Variants in NAT16 observed in about 807,000 individuals in gnomAD.
NAT16 encodes N-acetyltransferase 16 (putative).
In NAT16, 16 loss-of-function variants were observed where a neutral mutation model predicts 15.9. That is an observed-to-expected ratio of 1.01 (90% CI 0.68 to 1.53). NAT16 has a LOEUF of 1.53. Among genes scored for constraint, NAT16 ranks in the 40% most tolerant of loss-of-function variants. The pLI, the probability that NAT16 is intolerant of heterozygous loss-of-function variation, is 0.00. For missense variants in NAT16, 572 were observed against 508.4 expected, an observed-to-expected ratio of 1.13 and a Z score of -1.20; for synonymous variants, 260 against 241.9, an observed-to-expected ratio of 1.07 and a Z score of -0.69.
Position 101,172,687 on chromosome 7 carries a change from C to G in NAT16, c.538-36G>C. 2.8e-6 allele frequency: 4 copies of G among 1,417,516 alleles called. No individual in the cohort carries two copies. The highest frequency in any genetic ancestry group is 1.5e-5 in the African/African-American group (1 of 66,076). The allele number at this position is 1,417,516 out of a possible 1,614,324, so 87.8% of individuals were successfully genotyped here. On this transcript the variant is annotated intron_variant, in intron 3 of 3. Coordinates refer to ENST00000300303, the MANE Select transcript of NAT16 (RefSeq NM_198571.3). This position sits in a 1 kb window ranked among gnomAD's most constrained non-coding sequence, Gnocchi z 4.2. ...CACGAGTGAGCGCGGGGAGGGGGGG[C>G]GCAGCAGGGCTGGCGAGCCCGGCGC...
intron 2 of NAT16, 24 bp from the exon 3 acceptor site, chr7:101,173,544 G>A (rs748199670): frequency 4.0e-5 from 61 of 1,539,820 alleles, no homozygotes; most frequent in Non-Finnish European, 4.9e-5. Flanking sequence ...CCGTTAGCGC[G>A]GGGCCCTCCC....
rs759429664 is a variant in NAT16, at chr7:101,172,109, A to T, written c.1080T>A (p.Thr360=). The T allele has an allele frequency of 1.2e-6, 2 of 1,613,684 alleles. No homozygotes were observed. The highest frequency in any genetic ancestry group is 1.7e-6 in the Non-Finnish European group (2 of 1,179,724). ...TGTCGGCCTCCAGCAGGTACTGTTCAGTATAACCCTTCACCAGCTCCAGTC... is the reference window on the plus strand; with the variant it reads ...TGTCGGCCTCCAGCAGGTACTGTTCTGTATAACCCTTCACCAGCTCCAGTC... ...GLGLELVKGY[T]EQYLLEADI The change falls in exon 4 of 4, where the codon ACT becomes ACA. Residue 360 remains threonine (T), a synonymous_variant. Transcript: ENST00000300303. This position sits in a 1 kb window ranked among gnomAD's most constrained non-coding sequence, Gnocchi z 4.2.
At chr7:101,174,137 C>G (rs1009586057) in intron 2 of NAT16, 2 of 387,008 alleles carry the variant, frequency 5.2e-6, no homozygotes, top group Admixed American at 8.4e-5. Flanking sequence ...CCCACTTCCT[C>G]TTAGCTCCTC....
Position 101,173,295 on chromosome 7 carries a change from C to A in NAT16, c.537+1G>T. On this transcript the variant is annotated splice_donor_variant, in intron 3 of 3. Transcript: ENST00000300303. LOFTEE classifies it high-confidence loss of function. ...CCATCCGAGCTCCCTGTCCTTCTCA[C>A]CTGCTTGGTGATTAGGCGGTATTTC... 1 of 1,613,626 alleles carries A rather than the reference C, an allele frequency of 6.2e-7. No homozygotes were observed. Among genetic ancestry groups the A allele is most frequent in the African/African-American group, 1.3e-5 (1 of 75,034 alleles).
intron 1 of NAT16, among the ~76,000 whole-genome samples, chr7:101,175,159 T>C (rs1223058633): frequency 1.3e-5 from 2 of 152,194 alleles, no homozygotes; most frequent in Non-Finnish European, 2.9e-5. Context: ...TTCACCATGT[T>C]GTCCAGGCTG....
rs955345879 is a variant in NAT16 at position 101,172,605 on chromosome 7, A to G, written c.584T>C (p.Leu195Pro). The G allele has an allele frequency of 6.5e-7, 1 of 1,527,530 alleles. No individual in the cohort carries two copies. The highest frequency in any genetic ancestry group is 8.7e-7 in the Non-Finnish European group (1 of 1,145,624). The allele number at this position is 1,527,530 out of a possible 1,614,324, so 94.6% of individuals were successfully genotyped here. ...CCGCAGCGCCGCCAGCCGCGCGCCC[A>G]GCCCGGCCAGCAGCGCGGACGCGTT... Reference protein sequence around the residue: ...RFNASALLAGLGARLAALRTS... With the variant: ...RFNASALLAGPGARLAALRTS... The change falls in exon 4 of 4, where the codon CTG becomes CCG. Residue 195 changes from leucine to proline, a missense_variant. By Grantham distance (98) the Leu-to-Pro change is moderately conservative. Transcript: ENST00000300303. The surrounding 1 kb of genome is among the most constrained non-coding windows in gnomAD (Gnocchi z 4.2).
At position 101,170,525 on chromosome 7, in the gene NAT16, A is replaced by T. The variant is rs559137752; in HGVS notation, c.*1554T>A. On this transcript the variant is annotated 3_prime_UTR_variant, in exon 4 of 4. Transcript: ENST00000300303. ...CAAAAGGTCCATTTTATTGTCATAC[A>T]ATCGTGGTCACCGTGACAAGGAGGG... 2.6e-5 allele frequency: 4 copies of T among 152,608 alleles called. No homozygotes were observed. In the East Asian group the frequency reaches 5.8e-4, roughly 22 times the overall value. 9.5% of individuals were successfully genotyped at this position (152,608 alleles called of 1,614,324 possible). A position where few individuals can be genotyped will look rare whatever the true frequency, so the allele number is the denominator to read the frequency against.
chr7:101,171,855 AAGT>A lies in NAT16; in HGVS notation c.*221_*223del, dbSNP rs1797329358. On this transcript the variant is annotated 3_prime_UTR_variant, in exon 4 of 4. Coordinates refer to ENST00000300303, the MANE Select transcript of NAT16 (RefSeq NM_198571.3). ...CCCCAGCCCCCACCTAATAGTCCGC[AAGT>A]TCAGGTCAGGGAGTGGGCAATGGTG... 3.8e-6 allele frequency: 2 copies of A among 530,372 alleles called. No individual in the cohort carries two copies. Among genetic ancestry groups the A allele is most frequent in the South Asian group, 5.1e-5 (2 of 39,554 alleles). The allele number at this position is 530,372 out of a possible 1,614,324, so 32.9% of individuals were successfully genotyped here.
chr7:101,173,493 C>A lies in NAT16; in HGVS notation c.340G>T (p.Asp114Tyr), dbSNP rs762874878. ...VIALESVNVI[D>Y]AGETVLVEGL... ...TCCACCAGCACCGTCTCCCCGGCGTCGATCACGTTCACCGACTCCAGCGCG... is the reference window on the plus strand; with the variant it reads ...TCCACCAGCACCGTCTCCCCGGCGTAGATCACGTTCACCGACTCCAGCGCG... Residue 114 changes from aspartate to tyrosine, a missense_variant, in exon 3 of 4, where the codon GAC becomes TAC. Transcript: ENST00000300303. 9 of 1,605,758 alleles carry A rather than the reference C, an allele frequency of 5.6e-6. No individual in the cohort carries two copies. The highest frequency in any genetic ancestry group is 7.7e-6 in the Non-Finnish European group (9 of 1,175,414).
intron 1 of NAT16, 113 bp from the exon 2 acceptor site, chr7:101,174,924 CT>C (rs1193972529): frequency 1.6e-6 from 2 of 1,227,056 alleles, no homozygotes; most frequent in African/African-American, 1.6e-5. Context: ...CTTTCTTTTT[CT>C]TTTCTTTTAT....
At position 101,174,927 on chromosome 7, in the gene NAT16, T is replaced by G. The variant is rs189532709; in HGVS notation, c.-4-116A>C. On this transcript the variant is annotated intron_variant, in intron 1 of 3. Transcript: ENST00000300303. ...TACACAAATAGCCTTTCTTTTTCTT[T>G]TCTTTTATTTATTTACTTATTTACT... is the stretch of plus-strand genomic sequence containing the variant. 3.1e-4 allele frequency: 376 copies of G among 1,208,994 alleles called. 3 individuals are homozygous for G. The East Asian group carries it at 0.011, about 37-fold the overall frequency. 74.9% of individuals were successfully genotyped at this position (1,208,994 alleles called of 1,614,324 possible).
intron 2 of NAT16, chr7:101,173,776 C>G (rs1018288780): frequency 5.8e-6 from 3 of 513,902 alleles, no homozygotes; most frequent in African/African-American, 2.0e-5. Context: ...CAGGCTGGAG[C>G]GCAGTGGTGC....
At chr7:101,179,214 G>A (rs1295786683) in intron 1 of NAT16, 1 of 152,256 alleles carries the variant, frequency 6.6e-6, no homozygotes, top group East Asian at 1.9e-4. Flanking sequence ...GCTGCACAAA[G>A]CGCCCAAAGA....
chr7:101,171,717 G>A lies in NAT16; in HGVS notation c.*362C>T, dbSNP rs1249493788. 1 of 207,126 alleles carries A rather than the reference G, an allele frequency of 4.8e-6. No individual in the cohort carries two copies. Among genetic ancestry groups the A allele is most frequent in the African/African-American group, 2.3e-5 (1 of 42,732 alleles). The allele number at this position is 207,126 out of a possible 1,614,324, so 12.8% of individuals were successfully genotyped here. Reference sequence around the variant, plus strand: ...CAGAAGGGAGAAGCCAGGAAAGGGGGAGTTCACGCCCCGGGTGAGGTGATG... The same window carrying A: ...CAGAAGGGAGAAGCCAGGAAAGGGGAAGTTCACGCCCCGGGTGAGGTGATG... On this transcript the variant is annotated 3_prime_UTR_variant, in exon 4 of 4. Coordinates refer to ENST00000300303, the MANE Select transcript of NAT16 (RefSeq NM_198571.3).
intron 1 of NAT16, among the ~76,000 whole-genome samples, chr7:101,179,388 C>T (rs1301779032): frequency 4.1e-5 from 6 of 147,046 alleles, no homozygotes; most frequent in Non-Finnish European, 9.0e-5. Flanking sequence ...AAAATCCTAG[C>T]ACGCACCCCC....
Position 101,173,494 on chromosome 7 carries a change from G to C in NAT16, c.339C>G (p.Ile113Met). Reference protein sequence around the residue: ...GVIALESVNVIDAGETVLVEG... With the variant: ...GVIALESVNVMDAGETVLVEG... ...CCACCAGCACCGTCTCCCCGGCGTCGATCACGTTCACCGACTCCAGCGCGA... is the reference window on the plus strand; with the variant it reads ...CCACCAGCACCGTCTCCCCGGCGTCCATCACGTTCACCGACTCCAGCGCGA... The change falls in exon 3 of 4, where the codon ATC (isoleucine) becomes ATG (methionine). Residue 113 changes from isoleucine (I) to methionine (M), a missense_variant. Transcript: ENST00000300303. The C allele has an allele frequency of 1.2e-6, 2 of 1,605,544 alleles. No homozygotes were observed. Among genetic ancestry groups the C allele is most frequent in the Non-Finnish European group, 1.7e-6 (2 of 1,175,284 alleles).
At chr7:101,177,229 A>T (rs1796688661) in intron 1 of NAT16, among the ~76,000 whole-genome samples, 1 of 152,254 alleles carries the variant, frequency 6.6e-6, no homozygotes, top group Non-Finnish European at 1.5e-5. Flanking sequence ...AAGGAGATTA[A>T]GAGCCTTGCC....
intron 1 of NAT16, among the ~76,000 whole-genome samples, chr7:101,176,177 C>T (rs899142036): frequency 6.6e-6 from 1 of 152,196 alleles, no homozygotes; most frequent in African/African-American, 2.4e-5. Flanking sequence ...CCCACCTCCA[C>T]CTCTTGACAT....
At position 101,173,524 on chromosome 7, in the gene NAT16, C is replaced by T. The variant is rs1371028163; in HGVS notation, c.313-4G>A. 6.3e-7 allele frequency: 1 copy of T among 1,578,388 alleles called. No individual in the cohort carries two copies. On this transcript the variant is annotated splice_region_variant and splice_polypyrimidine_tract_variant and intron_variant, in intron 2 of 3. Coordinates refer to ENST00000300303, the MANE Select transcript of NAT16 (RefSeq NM_198571.3). ...CGTTCACCGACTCCAGCGCGATCTG[C>T]GGACCGAGGCCGTTAGCGCGGGGCC...
Sources: allele counts gnomAD v4.1 joint callset (sites outside exome capture counted in the v4.1 genomes callset), GRCh38; gene constraint gnomAD v4.1.1; non-coding constraint Gnocchi (gnomAD v3.1); transcripts MANE v1.5; gene names NCBI Gene and HGNC (gene_info 2026-07-23, HGNC 2026-07-21).